RARB: variants seen among roughly 807,000 people sequenced by gnomAD.
RARB encodes HBV-activated protein.
In RARB, 17 loss-of-function variants were observed where a neutral mutation model predicts 51.9. The observed-to-expected ratio is 0.33, with a 90% CI of 0.22 to 0.49. RARB has a LOEUF of 0.49. Ranked by LOEUF, RARB falls within the 20% of genes least tolerant of loss-of-function variation. The pLI, the probability that RARB is intolerant of heterozygous loss-of-function variation, is 0.99. For missense variants in RARB, 369 were observed against 550.8 expected (o/e 0.67, Z 3.30); for synonymous variants, 215 against 195.4 (o/e 1.10, Z -0.84).
intron 1 of RARB, among the ~76,000 whole-genome samples, chr3:24,848,914 T>A (rs1395313954): frequency 1.3e-5 from 2 of 152,200 alleles, no homozygotes; most frequent in East Asian, 3.9e-4. Flanking sequence ...TGATGTTGAT[T>A]ATGGATTCCT....
At chr3:25,471,545 C>G (rs1459807792) in intron 2 of RARB, among the ~76,000 whole-genome samples, 1 of 140,830 alleles carries the variant, frequency 7.1e-6, no homozygotes, top group Non-Finnish European at 1.5e-5. Flanking sequence ...TATGGATAAA[C>G]AGGAAGTTGG....
chr3:24,947,575 C>G (rs551428337), intron 2 of RARB, among the ~76,000 whole-genome samples: 1 of 152,266 alleles, frequency 6.6e-6, no homozygotes, highest in South Asian at 2.1e-4. Context: ...CACGGGGATA[C>G]ATTTTTGCAG....
intron 5 of RARB, among the ~76,000 whole-genome samples, chr3:25,200,650 T>A (rs1701366069): frequency 6.6e-6 from 1 of 152,180 alleles, no homozygotes; most frequent in Non-Finnish European, 1.5e-5. Context: ...AGTTTCAGCT[T>A]TCTACATATG....
chr3:25,090,177 AC>A, intron 3 of RARB, among the ~76,000 whole-genome samples: 1 of 152,122 alleles, frequency 6.6e-6, no homozygotes, highest in Admixed American at 6.6e-5. Context: ...GAGCTAGCTT[AC>A]CTCTTGGCAC....
chr3:24,916,466 T>C (rs73049474), intron 2 of RARB, among the ~76,000 whole-genome samples: 9 of 152,272 alleles, frequency 5.9e-5, no homozygotes, highest in South Asian at 2.1e-4. Context: ...GTCTCCTCTG[T>C]TAGCAGAATG....
chr3:25,062,491 G>T (rs1397189851), intron 3 of RARB, among the ~76,000 whole-genome samples: 2 of 151,836 alleles, frequency 1.3e-5, no homozygotes, highest in East Asian at 3.9e-4. Flanking sequence ...ATTCTACAAG[G>T]TTACTTAAGT....
rs1702640945 is a variant in RARB at position 24,856,735 on chromosome 3, G to A, written c.-458-1939G>A. Among the ~76,000 whole-genome samples, 5 of 152,276 alleles carry A rather than the reference G, an allele frequency of 3.3e-5. No individual in the cohort carries two copies. In the South Asian group the frequency reaches 1.0e-3, roughly 32 times the overall value. On this transcript the variant is annotated intron_variant, in intron 1 of 11. Coordinates refer to the RARB transcript ENST00000383772. ...AGATTAAATCTTACCAGGTCTTGAA[G>A]TTACAACAATTTGAACTGCTAGATT...
rs542290707 is a variant in RARB, at chr3:25,588,318, A to G, written c.787-5185A>G. Among the ~76,000 whole-genome samples the G allele has an allele frequency of 2.5e-4, 38 of 152,346 alleles. No homozygotes were observed. The East Asian group carries it at 6.9e-3, about 28-fold the overall frequency. On this transcript the variant is annotated intron_variant, in intron 5 of 7. Coordinates refer to ENST00000330688, the MANE Select transcript of RARB (RefSeq NM_000965.5). ...TCAAGAACTTGCAAAACTAACTTGTAGGAATATAGGTCAAATAATGGTTAC... is the reference window on the plus strand; with the variant it reads ...TCAAGAACTTGCAAAACTAACTTGTGGGAATATAGGTCAAATAATGGTTAC...
At chr3:25,101,034 G>C (rs968987264) in intron 3 of RARB, among the ~76,000 whole-genome samples, 6 of 152,178 alleles carry the variant, frequency 3.9e-5, no homozygotes, top group Admixed American at 3.9e-4. Context: ...TTAAGGGGTA[G>C]TTGGAGGTGA....
intron 5 of RARB, among the ~76,000 whole-genome samples, chr3:25,235,076 C>A (rs1702272306): frequency 6.6e-6 from 1 of 152,174 alleles, no homozygotes; most frequent in South Asian, 2.1e-4. Flanking sequence ...AGAGTTCTTA[C>A]TGTGCATGAT....
intron 2 of RARB, among the ~76,000 whole-genome samples, chr3:24,917,231 G>A (rs533494983): frequency 1.2e-3 from 181 of 152,080 alleles, no homozygotes; most frequent in African/African-American, 4.2e-3. Context: ...AATCAAAAAA[G>A]TTTTAGAAAA....
intron 3 of RARB, among the ~76,000 whole-genome samples, chr3:25,095,901 T>A (rs1013422378): frequency 6.6e-6 from 1 of 152,162 alleles, no homozygotes; most frequent in Non-Finnish European, 1.5e-5. Flanking sequence ...AAAATCTCAA[T>A]GCATTTTAAA....
chr3:25,138,732 CTG>C lies in RARB; in HGVS notation c.-280+6526_-280+6527del, dbSNP rs529732741. On this transcript the variant is annotated intron_variant, in intron 4 of 11. Transcript: ENST00000383772. ...ACCACATATAAGCAAAAGAGTGAAA[CTG>C]TTAGTTTCAATTTTAACTTGACTAA... 6.9e-3 allele frequency among the ~76,000 whole-genome samples: 1,048 copies of C among 152,166 alleles called. 10 individuals are homozygous for C. Among genetic ancestry groups the C allele is most frequent in the African/African-American group, 0.024 (985 of 41,512 alleles).
At chr3:25,111,595 T>TC (rs1309580254) in intron 3 of RARB, among the ~76,000 whole-genome samples, 2 of 150,350 alleles carry the variant, frequency 1.3e-5, no homozygotes, top group Non-Finnish European at 3.0e-5. Context: ...TTTTTTTTTT[T>TC]TTTTTTTGAG....
Position 25,196,110 on chromosome 3 carries a change from G to A in RARB, c.178+21535G>A, listed in dbSNP as rs141870249. Among the ~76,000 whole-genome samples, 607 of 152,064 alleles carry A rather than the reference G, an allele frequency of 4.0e-3. 10 individuals carry two copies. Among genetic ancestry groups the A allele is most frequent in the East Asian group, 0.029 (152 of 5,154 alleles). ...TTATTCTTTATGTTCTAGGGTACCTGTGCACAAAGTACAGGTTTATTATGT... is the reference window on the plus strand; with the variant it reads ...TTATTCTTTATGTTCTAGGGTACCTATGCACAAAGTACAGGTTTATTATGT... On this transcript the variant is annotated intron_variant, in intron 5 of 11. Coordinates refer to the RARB transcript ENST00000383772.
intron 7 of RARB, among the ~76,000 whole-genome samples, chr3:25,595,896 G>A (rs1318135398): frequency 1.3e-5 from 2 of 152,098 alleles, no homozygotes; most frequent in Non-Finnish European, 2.9e-5. Context: ...ACTTCTCTTT[G>A]TAAATTGTTA....
intron 2 of RARB, among the ~76,000 whole-genome samples, chr3:24,867,832 A>G (rs902543977): frequency 2.6e-5 from 4 of 152,160 alleles, no homozygotes; most frequent in Non-Finnish European, 5.9e-5. Flanking sequence ...GCCCACAAAA[A>G]CAACAAAAGG....
In RARB at chr3:25,076,066, A is replaced by T. The variant is rs113774545; in HGVS notation, c.-328+15890A>T. On this transcript the variant is annotated intron_variant, in intron 3 of 11. Transcript: ENST00000383772. ...AAATCTTTATTAGGATGAAACAATA[A>T]TCTGTTCAAAGATTTCAGCTGTCAG... Among the ~76,000 whole-genome samples, 779 of 152,292 alleles carry T rather than the reference A, an allele frequency of 5.1e-3. 8 individuals carry two copies. The highest frequency in any genetic ancestry group is 0.018 in the African/African-American group (754 of 41,544).
chr3:25,008,804 A>G (rs895186111), intron 2 of RARB, among the ~76,000 whole-genome samples: 2 of 152,100 alleles, frequency 1.3e-5, no homozygotes, highest in African/African-American at 4.8e-5. Context: ...GACATTTAAT[A>G]TGGACATTCC....
Sources: allele counts gnomAD v4.1 joint callset (sites outside exome capture counted in the v4.1 genomes callset), GRCh38; gene constraint gnomAD v4.1.1; transcripts MANE v1.5; gene names NCBI Gene and HGNC (gene_info 2026-07-23, HGNC 2026-07-21).